Variants in GLMN observed in about 807,000 individuals in gnomAD.
The protein encoded by GLMN is glomulin.
In GLMN, 75 loss-of-function variants were observed where a neutral mutation model predicts 87.8. That is an observed-to-expected ratio of 0.85 (90% CI 0.71 to 1.04). The LOEUF is 1.04. GLMN is among the 50% of genes least tolerant of loss of function. The pLI is 0.00. For synonymous variants in GLMN, 206 were observed against 221.6 expected (o/e 0.93, Z 0.63); for missense variants, 588 against 658.8 (o/e 0.89, Z 1.18).
intron 7 of GLMN, among the ~76,000 whole-genome samples, chr1:92,275,132 T>C (rs1389064968): frequency 6.6e-6 from 1 of 152,230 alleles, no homozygotes; most frequent in African/African-American, 2.4e-5. Flanking sequence ...TACTGACTCA[T>C]GCTTCCGTGG....
chr1:92,323,946 C>T, the GLMN span: 1 of 1,613,958 alleles, frequency 6.2e-7, no homozygotes, highest in Admixed American at 1.7e-5. Context: ...GAAAATTTGC[C>T]AAATCAAACC....
chr1:92,337,688 T>A, the GLMN span, among the ~76,000 whole-genome samples: 1 of 152,130 alleles, frequency 6.6e-6, no homozygotes, highest in Non-Finnish European at 1.5e-5. Context: ...AACACTTTTT[T>A]ATATCATGAT....
the GLMN span, chr1:92,336,372 C>T: frequency 1.2e-6 from 2 of 1,610,464 alleles, no homozygotes; most frequent in Non-Finnish European, 1.7e-6. Context: ...GGTTCCTCTT[C>T]AGATTACATT....
chr1:92,299,094 G>T, upstream of GLMN: 1 of 1,518,688 alleles, frequency 6.6e-7, no homozygotes, highest in Non-Finnish European at 8.8e-7. Flanking sequence ...TCGCTGGGCC[G>T]TCTTCTGCCG....
chr1:92,358,728 T>G, the GLMN span, among the ~76,000 whole-genome samples: 1 of 151,736 alleles, frequency 6.6e-6, no homozygotes, highest in African/African-American at 2.4e-5. Context: ...GCTGGGACCA[T>G]AGGCATGCAC....
chr1:92,319,267 A>G, the GLMN span, among the ~76,000 whole-genome samples: 1 of 152,216 alleles, frequency 6.6e-6, no homozygotes, highest in Non-Finnish European at 1.5e-5. Context: ...ATTGTCTTGA[A>G]TAACAGTGTA....
chr1:92,284,102 C>A (rs966577777), intron 7 of GLMN, among the ~76,000 whole-genome samples: 1 of 152,124 alleles, frequency 6.6e-6, no homozygotes, highest in African/African-American at 2.4e-5. Flanking sequence ...ACTTTCTTCA[C>A]AGAATTGGAA....
At chr1:92,370,216 A>C in the GLMN span, among the ~76,000 whole-genome samples, 1 of 152,104 alleles carries the variant, frequency 6.6e-6, no homozygotes, top group African/African-American at 2.4e-5. Context: ...GGGGTTGGAC[A>C]TGTTTTGTTT....
chr1:92,300,310 C>A, upstream of GLMN: 14 of 1,165,090 alleles, frequency 1.2e-5, no homozygotes, highest in South Asian at 2.7e-5. Context: ...AATTTTAAAA[C>A]AATAATGGTT....
chr1:92,276,301 T>C (rs1052416140), intron 7 of GLMN, among the ~76,000 whole-genome samples: 1 of 151,946 alleles, frequency 6.6e-6, no homozygotes. Flanking sequence ...TATTATATTT[T>C]AAATTCCTTA....
the GLMN span, among the ~76,000 whole-genome samples, chr1:92,345,594 T>C: frequency 1.3e-5 from 2 of 152,016 alleles, no homozygotes; most frequent in Admixed American, 6.6e-5. Context: ...TACATGCTTA[T>C]CTTGTCTAGT....
intron 3 of GLMN, among the ~76,000 whole-genome samples, chr1:92,295,832 C>T (rs1457467283): frequency 6.6e-6 from 1 of 152,134 alleles, no homozygotes; most frequent in African/African-American, 2.4e-5. Flanking sequence ...ATGTAAAGGA[C>T]TAAAGACAGC....
chr1:92,324,002 T>C, the GLMN span: 4 of 1,613,824 alleles, frequency 2.5e-6, no homozygotes, highest in African/African-American at 2.7e-5. Context: ...TGTCCTGAAG[T>C]TGGAAAGAGA....
At chr1:92,298,660 C>T (rs1321141251) in intron 1 of GLMN, among the ~76,000 whole-genome samples, 1 of 152,200 alleles carries the variant, frequency 6.6e-6, no homozygotes, top group East Asian at 1.9e-4. Context: ...ACCATCGCTT[C>T]TCCTGGCGGC....
At chr1:92,322,711 C>A in the GLMN span, among the ~76,000 whole-genome samples, 1 of 151,296 alleles carries the variant, frequency 6.6e-6, no homozygotes, top group Admixed American at 6.6e-5. Flanking sequence ...TCCATCTCTA[C>A]TAAAAAAATA....
At chr1:92,304,952 C>T in the GLMN span, among the ~76,000 whole-genome samples, 5 of 151,746 alleles carry the variant, frequency 3.3e-5, no homozygotes, top group Middle Eastern at 3.4e-3. Flanking sequence ...GCCTGGGCAA[C>T]GGCAAAACCC....
rs771404530 is a variant in GLMN, at chr1:92,290,203, T to C, written c.389A>G (p.Gln130Arg). Residue 130 changes from glutamine (Q) to arginine (R), a missense_variant, in exon 5 of 19, where the codon CAA becomes CGA. Physicochemically the swap from Gln to Arg is conservative, Grantham distance 43. Coordinates refer to ENST00000370360, the MANE Select transcript of GLMN (RefSeq NM_053274.3). ...GATATCAAAATTCTCATTACCTGTT[T>C]GTAATGGCTGAAGCAAAAGAAGAAT... ...QSILLLLQPL[Q>R]TVIQKLHNKA... is the part of the protein sequence containing the mutation. The C allele has an allele frequency of 9.0e-6, 14 of 1,557,508 alleles. No homozygotes were observed. The South Asian group carries it at 1.6e-4, about 17-fold the overall frequency.
At chr1:92,259,470 T>TTGAC (rs902811552) in intron 16 of GLMN, among the ~76,000 whole-genome samples, 8 of 152,216 alleles carry the variant, frequency 5.3e-5, no homozygotes, top group African/African-American at 1.9e-4. Context: ...AATAAGTCAG[T>TTGAC]TGACAGTAAC....
chr1:92,247,366 T>C (rs1652830527), intron 17 of GLMN, among the ~76,000 whole-genome samples: 1 of 152,224 alleles, frequency 6.6e-6, no homozygotes, highest in East Asian at 1.9e-4. Context: ...AATAGCATTA[T>C]TTTGGCATGT....
Sources: allele counts gnomAD v4.1 joint callset (sites outside exome capture counted in the v4.1 genomes callset), GRCh38; gene constraint gnomAD v4.1.1; transcripts MANE v1.5; gene names NCBI Gene and HGNC (gene_info 2026-07-23, HGNC 2026-07-21).